Variants in DACT2 observed in about 807,000 individuals in gnomAD.
DACT2 encodes the protein dishevelled binding antagonist of beta catenin 2, also known as dapper homolog 2.
A neutral mutation model predicts 22.2 loss-of-function variants in DACT2; 20 were observed. That is an observed-to-expected ratio of 0.90 (90% CI 0.63 to 1.31). The LOEUF is 1.31. DACT2 is among the 50% of genes most tolerant of loss of function. The pLI, the probability that DACT2 is intolerant of heterozygous loss-of-function variation, is 0.00. For missense variants in DACT2, 1,048 were observed against 1,061.4 expected (o/e 0.99, Z 0.18); for synonymous variants, 463 against 479.8 (o/e 0.96, Z 0.46).
chr6:168,308,634 C>T lies in DACT2; in HGVS notation c.1123G>A (p.Gly375Ser), dbSNP rs772353783. The part of the protein sequence containing the change: ...PQRQGGWSTD[G>S]GGRLLVFAPG... Reference sequence around the variant, plus strand: ...GCGAAGACCAGCAGTCGCCCTCCACCGTCTGTACTCCAGCCACCCTGCCTC... The same window carrying T: ...GCGAAGACCAGCAGTCGCCCTCCACTGTCTGTACTCCAGCCACCCTGCCTC... The change falls in exon 4 of 4, where the codon GGT becomes AGT. Residue 375 changes from glycine (G) to serine (S), a missense_variant. By Grantham distance (56) the Gly-to-Ser change is moderately conservative. Coordinates refer to ENST00000366795, the MANE Select transcript of DACT2 (RefSeq NM_214462.5). The T allele has an allele frequency of 4.9e-5, 75 of 1,544,140 alleles. 1 individual carries two copies. The African/African-American group carries it at 9.3e-4, about 19-fold the overall frequency.
At chr6:168,313,265 G>A (rs1286984022) in intron 1 of DACT2, among the ~76,000 whole-genome samples, 2 of 151,964 alleles carry the variant, frequency 1.3e-5, no homozygotes, top group Non-Finnish European at 2.9e-5. Flanking sequence ...CGATGGTCTC[G>A]ATCTCCTGAC....
Position 168,308,296 on chromosome 6 carries a change from C to T in DACT2, c.1461G>A (p.Leu487=). 6.4e-7 allele frequency: 1 copy of T among 1,552,280 alleles called. No homozygotes were observed. Among genetic ancestry groups the T allele is most frequent in the East Asian group, 2.4e-5 (1 of 40,900 alleles). ...CCTTGCTCTTGGGGGGACCCATTTT[C>T]AGGCTGGCAGCAAAGGATGGGTGGG... The part of the protein sequence containing the change: ...HFAHPSFAAS[L]KMGPPKSKAE... The change falls in exon 4 of 4, where the codon CTG becomes CTA. Residue 487 remains leucine (L), a synonymous_variant. Coordinates refer to ENST00000366795, the MANE Select transcript of DACT2 (RefSeq NM_214462.5).
Position 168,308,307 on chromosome 6 carries a change from C to T in DACT2, c.1450G>A (p.Ala484Thr). 6.4e-7 allele frequency: 1 copy of T among 1,552,238 alleles called. No individual in the cohort carries two copies. The highest frequency in any genetic ancestry group is 8.7e-7 in the Non-Finnish European group (1 of 1,147,098). ...GGGGGACCCATTTTCAGGCTGGCAG[C>T]AAAGGATGGGTGGGCAAAGTGCCCA... ...ASGHFAHPSF[A>T]ASLKMGPPKS... is the part of the protein sequence containing the mutation. Residue 484 changes from alanine (A) to threonine (T), a missense_variant, in exon 4 of 4, where the codon GCT becomes ACT. Physicochemically the swap from Ala to Thr is moderately conservative, Grantham distance 58. Coordinates refer to ENST00000366795, the MANE Select transcript of DACT2 (RefSeq NM_214462.5).
intron 3 of DACT2, among the ~76,000 whole-genome samples, chr6:168,296,883 A>G (rs73258837): frequency 0.02 from 2,989 of 152,264 alleles, 105 homozygotes; most frequent in African/African-American, 0.068. Context: ...TGGGGAAGTG[A>G]TACTCGCAAA....
At chr6:168,303,581 CCA>C (rs1255953288), downstream of DACT2, among the ~76,000 whole-genome samples, 1 of 152,180 alleles carries the variant, frequency 6.6e-6, no homozygotes, top group African/African-American at 2.4e-5. Flanking sequence ...TTATCAGATG[CCA>C]CTGCCTGTCT....
At chr6:168,315,101 A>G (rs1337843638) in intron 1 of DACT2, among the ~76,000 whole-genome samples, 1 of 152,228 alleles carries the variant, frequency 6.6e-6, no homozygotes, top group Non-Finnish European at 1.5e-5. Flanking sequence ...GCAGCATGGA[A>G]TGTGGGAAGC....
chr6:168,316,217 C>A (rs1779539723), intron 1 of DACT2, among the ~76,000 whole-genome samples: 1 of 152,272 alleles, frequency 6.6e-6, no homozygotes, highest in South Asian at 2.1e-4. Flanking sequence ...CACTCCCACC[C>A]CCTTGACAGA....
intron 2 of DACT2, 22 bp downstream of exon 2, chr6:168,311,130 G>T (rs1242974652): frequency 1.4e-5 from 21 of 1,508,178 alleles, no homozygotes; most frequent in Admixed American, 2.0e-5. Flanking sequence ...CCTGTGTCCG[G>T]GAGGTCAGGG....
chr6:168,293,784 C>T (rs1380466689), exon 6 of DACT2: 2 of 685,768 alleles, frequency 2.9e-6, no homozygotes, highest in Admixed American at 4.1e-5. Context: ...ACTTGGCGGG[C>T]AGAGGGGGGC....
rs796446521 is a variant in DACT2 at position 168,307,721 on chromosome 6, G to A, written c.2036C>T (p.Pro679Leu). The A allele has an allele frequency of 4.8e-5, 75 of 1,549,700 alleles. No homozygotes were observed. In the Admixed American group the frequency reaches 7.3e-4, roughly 15 times the overall value. Reference sequence around the variant, plus strand: ...ACTGGACTCTCCCTCGCTGGTCTCCGGGATGACTGACGGGAACCGCGGGTC... The same window carrying A: ...ACTGGACTCTCCCTCGCTGGTCTCCAGGATGACTGACGGGAACCGCGGGTC... ...ECDPRFPSVI[P>L]ETSEGESSDH... The change falls in exon 4 of 4, where the codon CCG (proline) becomes CTG (leucine). Residue 679 changes from proline (P) to leucine (L), a missense_variant. Transcript: ENST00000366795. The surrounding 1 kb of genome is among the most constrained non-coding windows in gnomAD (Gnocchi z 5.3).
At chr6:168,318,710 C>A (rs1448698618) in intron 1 of DACT2, among the ~76,000 whole-genome samples, 1 of 152,030 alleles carries the variant, frequency 6.6e-6, no homozygotes, top group East Asian at 1.9e-4. Flanking sequence ...AGGAGGGGTT[C>A]AGAGCGCCCA....
chr6:168,302,921 T>C (rs1236424057), downstream of DACT2, among the ~76,000 whole-genome samples: 3 of 152,202 alleles, frequency 2.0e-5, no homozygotes, highest in African/African-American at 4.8e-5. Context: ...TTTCAAAGCC[T>C]AGCAGGGCCA....
At chr6:168,294,415 G>C (rs866406148) in intron 4 of DACT2, among the ~76,000 whole-genome samples, 1 of 151,814 alleles carries the variant, frequency 6.6e-6, no homozygotes, top group South Asian at 2.1e-4. Context: ...GGTTCACCTG[G>C]AGCATTGCAC....
chr6:168,313,544 C>G (rs1779474087), intron 1 of DACT2, among the ~76,000 whole-genome samples: 1 of 152,176 alleles, frequency 6.6e-6, no homozygotes, highest in Non-Finnish European at 1.5e-5. Context: ...GCGGGCTCTC[C>G]CACACCAGCT....
At position 168,309,982 on chromosome 6, in the gene DACT2, C is replaced by T. The variant is rs181909145; in HGVS notation, c.658+186G>A. Among the ~76,000 whole-genome samples, 488 of 152,336 alleles carry T rather than the reference C, an allele frequency of 3.2e-3. 5 individuals are homozygous for T. Among genetic ancestry groups the T allele is most frequent in the African/African-American group, 0.011 (454 of 41,576 alleles). Reference sequence around the variant, plus strand: ...TTATTAGAGCTGGTGGTGATGCGCACAGCCGCATTTGGTTCCTGCCTCCAT... The same window carrying T: ...TTATTAGAGCTGGTGGTGATGCGCATAGCCGCATTTGGTTCCTGCCTCCAT... On this transcript the variant is annotated intron_variant, in intron 3 of 3. Transcript: ENST00000366795.
chr6:168,307,453 C>T lies in DACT2; in HGVS notation c.2304G>A (p.Leu768=). Reference sequence around the variant, plus strand: ...CACCTCACACCATGGTCATGACCTTCAGGGCCGTCGGCTGGAACCTGCGGA... The same window carrying T: ...CACCTCACACCATGGTCATGACCTTTAGGGCCGTCGGCTGGAACCTGCGGA... The part of the protein sequence containing the change: ...KKIRRFQPTA[L]KVMTMV Residue 768 remains leucine, a synonymous_variant, in exon 4 of 4, where the codon CTG becomes CTA. Coordinates refer to ENST00000366795, the MANE Select transcript of DACT2 (RefSeq NM_214462.5). This position sits in a 1 kb window ranked among gnomAD's most constrained non-coding sequence, Gnocchi z 5.3. 1 of 1,551,712 alleles carries T rather than the reference C, an allele frequency of 6.4e-7. No individual in the cohort carries two copies. The highest frequency in any genetic ancestry group is 1.4e-5 in the African/African-American group (1 of 73,172).
At chr6:168,309,260 C>T (rs147657740) in intron 3 of DACT2, among the ~76,000 whole-genome samples, 162 bp from the exon 4 acceptor site, 1,843 of 152,086 alleles carry the variant, frequency 0.012, 14 homozygotes, top group African/African-American at 0.017. Context: ...CACTGAGGTC[C>T]GCGTGTAGAC....
At chr6:168,306,730 G>A (rs1018115955), downstream of DACT2, among the ~76,000 whole-genome samples, 13 of 152,062 alleles carry the variant, frequency 8.5e-5, no homozygotes, top group African/African-American at 1.4e-4. Flanking sequence ...GATCACAGGC[G>A]TGAGCCACCA....
intron 3 of DACT2, among the ~76,000 whole-genome samples, chr6:168,295,185 C>A (rs891704103): frequency 3.3e-5 from 5 of 152,228 alleles, no homozygotes; most frequent in South Asian, 2.1e-4. Flanking sequence ...ATCAGGTGGG[C>A]AAATCTGTGA....
Sources: allele counts gnomAD v4.1 joint callset (sites outside exome capture counted in the v4.1 genomes callset), GRCh38; gene constraint gnomAD v4.1.1; non-coding constraint Gnocchi (gnomAD v3.1); transcripts MANE v1.5; gene names NCBI Gene and HGNC (gene_info 2026-07-23, HGNC 2026-07-21).